Variants in PRKG1 observed in about 807,000 individuals in gnomAD.
The protein encoded by PRKG1 is cGMP-dependent protein kinase 1.
Under a neutral mutation model 88.1 loss-of-function variants are expected in PRKG1, and 35 were observed. The observed-to-expected ratio is 0.40, with a 90% confidence interval of 0.30 to 0.53. PRKG1 has a LOEUF of 0.53. Ranked by LOEUF, PRKG1 falls within the 20% of genes least tolerant of loss-of-function variation. The pLI, the probability that PRKG1 is intolerant of heterozygous loss-of-function variation, is 0.59. For synonymous variants in PRKG1, 303 were observed against 292.5 expected, an observed-to-expected ratio of 1.04 and a Z score of -0.37; for missense variants, 540 against 839.8, an observed-to-expected ratio of 0.64 and a Z score of 4.41.
intron 3 of PRKG1, among the ~76,000 whole-genome samples, chr10:51,737,759 A>AT (rs1837326431): frequency 1.1e-5 from 1 of 89,092 alleles, no homozygotes; most frequent in East Asian, 2.2e-4. Context: ...TATTATTATT[A>AT]TTATTATTAT....
chr10:52,178,658 C>G (rs1015818636), intron 9 of PRKG1, among the ~76,000 whole-genome samples: 5 of 151,946 alleles, frequency 3.3e-5, no homozygotes, highest in African/African-American at 1.2e-4. Context: ...AATATTTGCT[C>G]TATATATCTG....
chr10:52,156,370 T>C (rs956876478), intron 8 of PRKG1, among the ~76,000 whole-genome samples: 2 of 151,934 alleles, frequency 1.3e-5, no homozygotes, highest in African/African-American at 4.8e-5. Flanking sequence ...AGTCTTTGTG[T>C]CTTATCTGTA....
chr10:51,208,906 T>C (rs2132068975), intron 2 of PRKG1, among the ~76,000 whole-genome samples: 1 of 152,336 alleles, frequency 6.6e-6, no homozygotes, highest in East Asian at 1.9e-4. Context: ...CATTAAATGA[T>C]GGACTTTCCC....
intron 3 of PRKG1, among the ~76,000 whole-genome samples, chr10:51,537,681 T>C (rs909106234): frequency 6.7e-6 from 1 of 148,752 alleles, no homozygotes; most frequent in Non-Finnish European, 1.5e-5. Context: ...TGAGCCAAGA[T>C]TGCACCGCTG....
intron 12 of PRKG1, 98 bp from the exon 13 acceptor site, chr10:52,280,691 T>G (rs1440584715): frequency 3.0e-6 from 4 of 1,340,476 alleles, no homozygotes; most frequent in Non-Finnish European, 3.1e-6. Context: ...CTGGGTTAAA[T>G]TTTGGCAAAG....
At chr10:51,375,165 T>G (rs1313280737) in intron 2 of PRKG1, among the ~76,000 whole-genome samples, 1 of 152,210 alleles carries the variant, frequency 6.6e-6, no homozygotes, top group Non-Finnish European at 1.5e-5. Flanking sequence ...GTAGAGATAA[T>G]CAGGGGTCAT....
rs201305146 is a variant in PRKG1, at chr10:51,444,096, G to C, written c.479-23627G>C. Among the ~76,000 whole-genome samples, 5 of 150,932 alleles carry C rather than the reference G, an allele frequency of 3.3e-5. No individual in the cohort carries two copies. The East Asian group carries it at 9.7e-4, about 29-fold the overall frequency. On this transcript the variant is annotated intron_variant, in intron 2 of 17. Coordinates refer to ENST00000373980, the MANE Select transcript of PRKG1 (RefSeq NM_006258.4). Reference sequence around the variant, plus strand: ...ACCATGATCAGAGGAGGAAAAAAGAGAGTACAGGAAAAAAAATATGGCAAT... The same window carrying C: ...ACCATGATCAGAGGAGGAAAAAAGACAGTACAGGAAAAAAAATATGGCAAT...
chr10:51,709,291 A>G (rs550493299), intron 3 of PRKG1, among the ~76,000 whole-genome samples: 2 of 152,136 alleles, frequency 1.3e-5, no homozygotes, highest in Admixed American at 1.3e-4. Context: ...AAAATATCAA[A>G]CTCTTCCATC....
chr10:52,178,259 A>G (rs1564503994), intron 9 of PRKG1, among the ~76,000 whole-genome samples: 2 of 152,040 alleles, frequency 1.3e-5, no homozygotes, highest in South Asian at 4.2e-4. Flanking sequence ...TTCTTTCTTC[A>G]GTCATTGGTC....
chr10:51,414,914 G>T (rs754543848), intron 2 of PRKG1, among the ~76,000 whole-genome samples: 13 of 152,168 alleles, frequency 8.5e-5, no homozygotes, highest in Non-Finnish European at 1.9e-4. Flanking sequence ...ACAATGTAAA[G>T]ATTTAATTAG....
At chr10:52,156,405 G>C (rs188767517) in intron 8 of PRKG1, among the ~76,000 whole-genome samples, 7 of 151,854 alleles carry the variant, frequency 4.6e-5, no homozygotes, top group Non-Finnish European at 8.9e-5. Flanking sequence ...ATTCCTCAAA[G>C]TTGTACTTTA....
intron 3 of PRKG1, among the ~76,000 whole-genome samples, chr10:51,474,969 T>C (rs1840151587): frequency 6.6e-6 from 1 of 151,968 alleles, no homozygotes; most frequent in Admixed American, 6.6e-5. Flanking sequence ...TCCCATGCAT[T>C]ATGTAATGTA....
chr10:51,884,596 C>T (rs1841523432), intron 4 of PRKG1, among the ~76,000 whole-genome samples: 1 of 130,152 alleles, frequency 7.7e-6, no homozygotes, highest in Non-Finnish European at 1.7e-5. Flanking sequence ...CCTAGGTTGA[C>T]TGGACTCAGT....
chr10:51,201,368 C>T (rs540709035), intron 2 of PRKG1, among the ~76,000 whole-genome samples: 1 of 152,298 alleles, frequency 6.6e-6, no homozygotes, highest in African/African-American at 2.4e-5. Context: ...AGGAGAATCA[C>T]TTGAACCTGG....
At chr10:52,243,327 G>A (rs930036217) in intron 9 of PRKG1, among the ~76,000 whole-genome samples, 1 of 152,124 alleles carries the variant, frequency 6.6e-6, no homozygotes, top group African/African-American at 2.4e-5. Flanking sequence ...ACTGCAGATA[G>A]AATCAGATAG....
rs928619152 is a variant in PRKG1, at chr10:51,397,577, G to A, written c.479-70146G>A. Among the ~76,000 whole-genome samples the A allele has an allele frequency of 3.9e-5, 6 of 152,148 alleles. 1 individual carries two copies. In the South Asian group the frequency reaches 6.2e-4, roughly 16 times the overall value. ...TATGTTCATTTCTTTTATACTCAAG[G>A]TTTTTTCTGACCTCCTTTGACTATT... On this transcript the variant is annotated intron_variant, in intron 2 of 17. Coordinates refer to ENST00000373980, the MANE Select transcript of PRKG1 (RefSeq NM_006258.4).
At chr10:51,138,502 A>C (rs1424720229) in intron 1 of PRKG1, among the ~76,000 whole-genome samples, 1 of 152,094 alleles carries the variant, frequency 6.6e-6, no homozygotes, top group Admixed American at 6.6e-5. Context: ...AAATCTATTC[A>C]ATAAATTTCT....
rs901209925 is a variant in PRKG1 at position 51,891,446 on chromosome 10, A to G, written c.699-16061A>G. Among the ~76,000 whole-genome samples, 10 of 152,310 alleles carry G rather than the reference A, an allele frequency of 6.6e-5. No individual in the cohort carries two copies. The East Asian group carries it at 1.9e-3, about 29-fold the overall frequency. On this transcript the variant is annotated intron_variant, in intron 4 of 17. Transcript: ENST00000373980. ...TTAACATCGAATAAGAACTTTGACT[A>G]TATGACCTGAGTTAAATATTCCATC...
chr10:51,125,286 T>G (rs1436818021), intron 1 of PRKG1, among the ~76,000 whole-genome samples: 2 of 151,992 alleles, frequency 1.3e-5, no homozygotes, highest in Non-Finnish European at 2.9e-5. Flanking sequence ...ATAGCACCAC[T>G]GCACTCCATC....
Sources: allele counts gnomAD v4.1 joint callset (sites outside exome capture counted in the v4.1 genomes callset), GRCh38; gene constraint gnomAD v4.1.1; transcripts MANE v1.5; gene names NCBI Gene and HGNC (gene_info 2026-07-23, HGNC 2026-07-21).